The following HTR4 variants were observed in gnomAD, a reference collection of about 807,000 sequenced individuals.
HTR4 encodes 5-hydroxytryptamine receptor 4.
In HTR4, 16 loss-of-function variants were observed where a neutral mutation model predicts 36.8. That is an observed-to-expected ratio of 0.43 (90% CI 0.29 to 0.66). The LOEUF (loss-of-function observed/expected upper bound fraction) is 0.66. Ranked by LOEUF, HTR4 falls within the 30% of genes least tolerant of loss-of-function variation. The pLI is 0.13. For synonymous variants in HTR4, 189 were observed against 185.1 expected (o/e 1.02, Z -0.17); for missense variants, 438 against 490.9 (o/e 0.89, Z 1.02).
chr5:148,460,158 T>TA (rs921309822), intron 5 of HTR4, among the ~76,000 whole-genome samples: 15 of 138,340 alleles, frequency 1.1e-4, no homozygotes, highest in African/African-American at 2.7e-4. Flanking sequence ...ATGGGACAAC[T>TA]AAAAAAAAAA....
chr5:148,585,958 T>G (rs1052130778), intron 2 of HTR4, among the ~76,000 whole-genome samples: 1 of 152,160 alleles, frequency 6.6e-6, no homozygotes, highest in African/African-American at 2.4e-5. Context: ...CATCCCTAGT[T>G]TTATTTGTAT....
chr5:148,490,001 A>G (rs1347073066), intron 6 of HTR4, among the ~76,000 whole-genome samples: 2 of 152,054 alleles, frequency 1.3e-5, no homozygotes, highest in African/African-American at 2.4e-5. Context: ...AGAAAACCAG[A>G]GGCAGAGAAA....
chr5:148,476,714 G>A, downstream of HTR4: 4 of 1,612,338 alleles, frequency 2.5e-6, no homozygotes, highest in Non-Finnish European at 3.4e-6. Context: ...TGAGCAATAA[G>A]AATTGGCCAC....
chr5:148,631,159 G>A (rs1753307575), intron 2 of HTR4, among the ~76,000 whole-genome samples: 1 of 152,050 alleles, frequency 6.6e-6, no homozygotes, highest in South Asian at 2.1e-4. Context: ...AGTGGCACAG[G>A]GGTTTTCAAC....
intron 4 of HTR4, among the ~76,000 whole-genome samples, chr5:148,546,073 T>C (rs188579451): frequency 2.0e-5 from 3 of 152,254 alleles, no homozygotes; most frequent in East Asian, 3.9e-4. Context: ...ATTATTTAAA[T>C]GTAGGAGGCA....
chr5:148,605,472 G>A (rs1752124858), intron 2 of HTR4, among the ~76,000 whole-genome samples: 1 of 151,532 alleles, frequency 6.6e-6, no homozygotes, highest in African/African-American at 2.4e-5. Context: ...TGGCCAGGCT[G>A]GTCTCGAACT....
At chr5:148,547,566 T>TAAAATAAAATA (rs368015401) in intron 4 of HTR4, among the ~76,000 whole-genome samples, 4 of 113,226 alleles carry the variant, frequency 3.5e-5, no homozygotes, top group Non-Finnish European at 5.9e-5. Flanking sequence ...TAAAATAAAA[T>TAAAATAAAATA]AAATAAATAA....
chr5:148,476,926 G>A (rs1755716314), downstream of HTR4, among the ~76,000 whole-genome samples: 1 of 152,206 alleles, frequency 6.6e-6, no homozygotes, highest in Non-Finnish European at 1.5e-5. Flanking sequence ...CTATGTAAGA[G>A]GTGCCAGGGG....
intron 2 of HTR4, among the ~76,000 whole-genome samples, chr5:148,554,327 G>A (rs966469030): frequency 3.9e-5 from 6 of 152,098 alleles, no homozygotes; most frequent in Non-Finnish European, 5.9e-5. Context: ...CGCCCGCCTC[G>A]GCCTCCCAAA....
chr5:148,521,780 T>G lies in HTR4; in HGVS notation c.507+1413A>C, dbSNP rs534031668. ...TTCTCCATTGAGAACCAATGGATCT[T>G]CTCATCACAGTGCTTCAGGAAATGA... is the stretch of plus-strand genomic sequence containing the variant. On this transcript the variant is annotated intron_variant, in intron 5 of 6. Coordinates refer to ENST00000377888, the MANE Select transcript of HTR4 (RefSeq NM_000870.7). 2.6e-5 allele frequency among the ~76,000 whole-genome samples: 4 copies of G among 152,224 alleles called. No homozygotes were observed. In the South Asian group the frequency reaches 8.3e-4, roughly 32 times the overall value.
At chr5:148,498,866 C>G (rs956142048) in intron 6 of HTR4, among the ~76,000 whole-genome samples, 2 of 152,014 alleles carry the variant, frequency 1.3e-5, no homozygotes, top group Admixed American at 6.6e-5. Flanking sequence ...TCTAAACTTA[C>G]TTCCTTTAAA....
intron 2 of HTR4, among the ~76,000 whole-genome samples, chr5:148,625,154 C>T (rs988800010): frequency 1.1e-4 from 16 of 152,110 alleles, no homozygotes; most frequent in Admixed American, 2.6e-4. Flanking sequence ...GATGGCCAGT[C>T]GTCTGGCTGA....
Position 148,507,360 on chromosome 5 carries a change from T to G in HTR4, c.1076+2096A>C, listed in dbSNP as rs192459681. Among the ~76,000 whole-genome samples, 1,107 of 116,588 alleles carry G rather than the reference T, an allele frequency of 9.5e-3. 14 individuals carry two copies. The highest frequency in any genetic ancestry group is 0.011 in the Non-Finnish European group (639 of 60,770). 76.5% of individuals were successfully genotyped at this position (116,588 alleles called of 152,430 possible). A position where few individuals can be genotyped will look rare whatever the true frequency, so the allele number is the denominator to read the frequency against. On this transcript the variant is annotated intron_variant, in intron 6 of 6. Transcript: ENST00000377888. ...GGACACAGGAAGGGGAACATCACAC[T>G]CTGGGGCCTGTCGTGGGGTGGGGGG...
chr5:148,500,673 A>G (rs1756895745), intron 6 of HTR4, among the ~76,000 whole-genome samples: 1 of 152,088 alleles, frequency 6.6e-6, no homozygotes. Flanking sequence ...GAAAAATACA[A>G]CAAAGTTGTC....
At chr5:148,459,748 C>A (rs998462936) in intron 5 of HTR4, among the ~76,000 whole-genome samples, 1 of 151,870 alleles carries the variant, frequency 6.6e-6, no homozygotes, top group Admixed American at 6.6e-5. Flanking sequence ...AAAACAAAAC[C>A]AAACCAAAAC....
chr5:148,520,225 T>G (rs1375521077), intron 5 of HTR4, among the ~76,000 whole-genome samples: 1 of 152,164 alleles, frequency 6.6e-6, no homozygotes, highest in Non-Finnish European at 1.5e-5. Flanking sequence ...AGGTTCAGTG[T>G]GCAAATGAGT....
intron 2 of HTR4, among the ~76,000 whole-genome samples, chr5:148,631,564 CA>C (rs1753321592): frequency 6.6e-6 from 1 of 152,146 alleles, no homozygotes; most frequent in Non-Finnish European, 1.5e-5. Flanking sequence ...GAATATTCAG[CA>C]TTAAAAATTA....
At chr5:148,605,744 A>G (rs1197323672) in intron 2 of HTR4, among the ~76,000 whole-genome samples, 1 of 151,170 alleles carries the variant, frequency 6.6e-6, no homozygotes. Flanking sequence ...TGTTTCTGTG[A>G]TTTAAAAAAA....
chr5:148,469,522 G>A (rs1395487090), intron 5 of HTR4, among the ~76,000 whole-genome samples: 1 of 152,186 alleles, frequency 6.6e-6, no homozygotes, highest in Non-Finnish European at 1.5e-5. Context: ...GCTTGTCGTA[G>A]TGGCAGTCTG....
Sources: gnomAD v4.1 joint callset for allele counts (sites outside exome capture counted in the v4.1 genomes callset) on GRCh38, gnomAD v4.1.1 for gene constraint, MANE v1.5 for transcripts, NCBI Gene and HGNC (gene_info 2026-07-23, HGNC 2026-07-21) for gene names.